HSD17B2: variants seen among roughly 807,000 people sequenced by gnomAD.
HSD17B2 encodes hydroxysteroid 17-beta dehydrogenase 2.
Under a neutral mutation model 26.9 loss-of-function variants are expected in HSD17B2, and 32 were observed. The observed-to-expected ratio is 1.19, with a 90% confidence interval of 0.90 to 1.60. The LOEUF is 1.60. Ranked by LOEUF, HSD17B2 falls within the 40% of genes most tolerant of loss-of-function variation. The probability of loss-of-function intolerance (pLI) is 0.00; values close to 1 mark genes in which losing one functional copy is unlikely to be tolerated. For missense variants in HSD17B2, 613 were observed against 468.6 expected (o/e 1.31, Z -2.85); for synonymous variants, 246 against 186.7 (o/e 1.32, Z -2.59).
intron 1 of HSD17B2, among the ~76,000 whole-genome samples, chr16:82,045,003 G>T (rs184681319): frequency 6.6e-6 from 1 of 151,646 alleles, no homozygotes; most frequent in East Asian, 1.9e-4. Flanking sequence ...CTGTAATCCT[G>T]GCTACTCTAC....
At chr16:82,089,433 T>A (rs1223224282) in intron 3 of HSD17B2, among the ~76,000 whole-genome samples, 1 of 152,188 alleles carries the variant, frequency 6.6e-6, no homozygotes, top group Non-Finnish European at 1.5e-5. Context: ...ATGGGTCTAG[T>A]CTTCGTGTGA....
chr16:82,077,274 G>A (rs1904307357), intron 3 of HSD17B2, among the ~76,000 whole-genome samples: 1 of 152,114 alleles, frequency 6.6e-6, no homozygotes, highest in East Asian at 1.9e-4. Flanking sequence ...TTATACTACA[G>A]AGCCGTAGTA....
Position 82,066,178 on chromosome 16 carries a change from G to C in HSD17B2, c.266-1992G>C, listed in dbSNP as rs562401204. ...TGTCTATCACATGGTCCAGACACTT[G>C]CATGTGTTTCAGTTGGTACCATCTC... is the stretch of plus-strand genomic sequence containing the variant. On this transcript the variant is annotated intron_variant, in intron 1 of 4. Coordinates refer to ENST00000199936, the MANE Select transcript of HSD17B2 (RefSeq NM_002153.3). Among the ~76,000 whole-genome samples the C allele has an allele frequency of 3.3e-5, 5 of 152,330 alleles. No individual in the cohort carries two copies. In the East Asian group the frequency reaches 9.6e-4, roughly 29 times the overall value.
intron 1 of HSD17B2, among the ~76,000 whole-genome samples, chr16:82,037,440 G>C (rs1358575334): frequency 1.3e-5 from 2 of 152,204 alleles, no homozygotes; most frequent in Non-Finnish European, 2.9e-5. Flanking sequence ...CTTTGTTCCA[G>C]ATTGGCTTAT....
At chr16:82,051,655 G>A (rs1914110876) in intron 1 of HSD17B2, among the ~76,000 whole-genome samples, 1 of 152,108 alleles carries the variant, frequency 6.6e-6, no homozygotes, top group Non-Finnish European at 1.5e-5. Context: ...GTTGATAGGT[G>A]AAGCAAACCA....
At chr16:82,056,521 G>A (rs1429619674) in intron 1 of HSD17B2, 7 of 152,120 alleles carry the variant, frequency 4.6e-5, no homozygotes, top group Admixed American at 3.3e-4. Context: ...CAGGTAAAAC[G>A]GATCTATGCT....
At chr16:82,071,169 C>G in intron 3 of HSD17B2, 42 bp downstream of exon 3, 2 of 1,573,834 alleles carry the variant, frequency 1.3e-6, no homozygotes, top group Non-Finnish European at 1.7e-6. Flanking sequence ...GTGCCCATCA[C>G]AAGACATGGC....
rs1035761040 is a variant in HSD17B2 at position 82,057,204 on chromosome 16, C to T, written c.266-10966C>T. The stretch of plus-strand genomic sequence containing the variant: ...AACTCCCCACTTTCTCTTTTCTTTT[C>T]TTTTTTTTTTTTTGAGAGAGAGTCC... On this transcript the variant is annotated intron_variant, in intron 1 of 4. Coordinates refer to ENST00000199936, the MANE Select transcript of HSD17B2 (RefSeq NM_002153.3). Among the ~76,000 whole-genome samples, 695 of 143,874 alleles carry T rather than the reference C, an allele frequency of 4.8e-3. 9 individuals carry two copies. The highest frequency in any genetic ancestry group is 0.017 in the African/African-American group (664 of 39,422). The allele number at this position is 143,874 out of a possible 152,430, so 94.4% of individuals were successfully genotyped here.
At chr16:82,074,095 T>C (rs8044382) in intron 3 of HSD17B2, among the ~76,000 whole-genome samples, 13,246 of 152,018 alleles carry the variant, frequency 0.087, 1,931 homozygotes, top group African/African-American at 0.3. Flanking sequence ...AAACAAGCAA[T>C]GGGGGTAAGG....
At chr16:82,085,792 C>T (rs767531252) in intron 3 of HSD17B2, among the ~76,000 whole-genome samples, 1 of 152,026 alleles carries the variant, frequency 6.6e-6, no homozygotes, top group Non-Finnish European at 1.5e-5. Context: ...CGGTACTAAT[C>T]CCCGGACCAC....
chr16:82,069,149 G>A (rs8191145), intron 2 of HSD17B2, among the ~76,000 whole-genome samples: 2 of 152,170 alleles, frequency 1.3e-5, no homozygotes, highest in Non-Finnish European at 1.5e-5. Context: ...CCACTTATAA[G>A]TGAGAACGTG....
At chr16:82,076,292 G>A (rs1211852266) in intron 3 of HSD17B2, among the ~76,000 whole-genome samples, 115 of 152,240 alleles carry the variant, frequency 7.6e-4, no homozygotes, top group Non-Finnish European at 5.6e-4. Flanking sequence ...TGCTGAATGG[G>A]AACAAACTGA....
At chr16:82,085,400 A>G (rs1293627261) in intron 3 of HSD17B2, among the ~76,000 whole-genome samples, 3 of 152,184 alleles carry the variant, frequency 2.0e-5, no homozygotes, top group South Asian at 2.1e-4. Flanking sequence ...TCATTCTAAC[A>G]TCCACAGAAT....
chr16:82,063,703 G>A (rs1035347873), intron 1 of HSD17B2, among the ~76,000 whole-genome samples: 3 of 152,192 alleles, frequency 2.0e-5, no homozygotes, highest in Non-Finnish European at 4.4e-5. Context: ...AGAAAGAAGT[G>A]GGTGTTGGGG....
chr16:82,042,445 G>C (rs1044697940), intron 1 of HSD17B2, among the ~76,000 whole-genome samples: 1 of 152,148 alleles, frequency 6.6e-6, no homozygotes, highest in Non-Finnish European at 1.5e-5. Flanking sequence ...ATGCAAACTG[G>C]AGCACATACC....
chr16:82,074,422 T>G (rs1914766706), intron 3 of HSD17B2, among the ~76,000 whole-genome samples: 2 of 152,048 alleles, frequency 1.3e-5, no homozygotes. Context: ...AGTAACAATA[T>G]CAGAAGAGAT....
At chr16:82,081,231 T>C (rs2966243) in intron 3 of HSD17B2, among the ~76,000 whole-genome samples, 11 of 152,156 alleles carry the variant, frequency 7.2e-5, no homozygotes, top group African/African-American at 2.7e-4. Context: ...ATTTGTCTGC[T>C]CTATTCCCTC....
At chr16:82,088,913 TC>T (rs1904605507) in intron 3 of HSD17B2, among the ~76,000 whole-genome samples, 1 of 152,200 alleles carries the variant, frequency 6.6e-6, no homozygotes, top group Non-Finnish European at 1.5e-5. Flanking sequence ...TCTTCAATTG[TC>T]TGAGAGACAA....
At chr16:82,057,740 A>G (rs544942346) in intron 1 of HSD17B2, among the ~76,000 whole-genome samples, 106 of 152,244 alleles carry the variant, frequency 7.0e-4, no homozygotes, top group African/African-American at 2.5e-3. Flanking sequence ...CAAACCTATA[A>G]TCCCAGTCTA....
Sources: gnomAD v4.1 joint callset for allele counts (sites outside exome capture counted in the v4.1 genomes callset) on GRCh38, gnomAD v4.1.1 for gene constraint, MANE v1.5 for transcripts, NCBI Gene and HGNC (gene_info 2026-07-23, HGNC 2026-07-21) for gene names.